Variants in TSG101 observed in about 807,000 individuals in gnomAD.
The protein encoded by TSG101 is tumor susceptibility gene 101 protein.
In TSG101, 19 loss-of-function variants were observed where a neutral mutation model predicts 48.5. The observed-to-expected ratio is 0.39, with a 90% confidence interval of 0.27 to 0.58. The LOEUF (loss-of-function observed/expected upper bound fraction) is 0.58, where lower values mean the gene tolerates loss of function less well. Ranked by LOEUF, TSG101 falls within the 20% of genes least tolerant of loss-of-function variation. The pLI is 0.55. For synonymous variants in TSG101, 174 were observed against 169.4 expected (o/e 1.03, Z -0.21); for missense variants, 365 against 484.4 (o/e 0.75, Z 2.31).
chr11:18,505,352 C>G lies in TSG101; in HGVS notation c.548+1505G>C, dbSNP rs1849952316. 2.0e-5 allele frequency among the ~76,000 whole-genome samples: 3 copies of G among 151,704 alleles called. No homozygotes were observed. In the South Asian group the frequency reaches 6.3e-4, roughly 32 times the overall value. The stretch of plus-strand genomic sequence containing the variant: ...GCTCATTGCATCCTCGATCTGTAGG[C>G]TCAAGTGATCCTTCCACCTCACCCT... On this transcript the variant is annotated intron_variant, in intron 6 of 9. Coordinates refer to ENST00000251968, the MANE Select transcript of TSG101 (RefSeq NM_006292.4).
At chr11:18,486,114 G>A (rs1849616364) in intron 7 of TSG101, among the ~76,000 whole-genome samples, 1 of 152,344 alleles carries the variant, frequency 6.6e-6, no homozygotes, top group Non-Finnish European at 1.5e-5. Flanking sequence ...CTTTGGGTAG[G>A]GGAACCACCC....
chr11:18,499,033 C>T (rs1211943616), intron 7 of TSG101, among the ~76,000 whole-genome samples: 1 of 150,628 alleles, frequency 6.6e-6, no homozygotes, highest in East Asian at 1.9e-4. Context: ...CCAGTTTTAG[C>T]AAAATGGTAT....
At chr11:18,525,544 A>G in intron 1 of TSG101, 1 of 364,080 alleles carries the variant, frequency 2.7e-6, no homozygotes, top group Non-Finnish European at 3.8e-6. Context: ...AGACTCTAAA[A>G]AAAAAAAAAA....
At chr11:18,516,289 A>G (rs577477504) in intron 2 of TSG101, 125 bp from the exon 3 acceptor site, 11 of 722,316 alleles carry the variant, frequency 1.5e-5, no homozygotes, top group Non-Finnish European at 2.3e-5. Flanking sequence ...TCAATGTATC[A>G]TCCATCCTGT....
At chr11:18,501,189 C>A (rs1439707752) in intron 7 of TSG101, among the ~76,000 whole-genome samples, 1 of 152,144 alleles carries the variant, frequency 6.6e-6, no homozygotes, top group Non-Finnish European at 1.5e-5. Flanking sequence ...AAAATGGTTG[C>A]CTAGGCCAAT....
intron 1 of TSG101, chr11:18,525,543 A>G: frequency 3.4e-6 from 1 of 296,376 alleles, no homozygotes; most frequent in Non-Finnish European, 4.9e-6. Context: ...AAGACTCTAA[A>G]AAAAAAAAAA....
intron 1 of TSG101, among the ~76,000 whole-genome samples, chr11:18,521,191 C>T (rs961682431): frequency 2.0e-5 from 3 of 151,930 alleles, no homozygotes; most frequent in African/African-American, 7.3e-5. Context: ...CTGGTCTCTT[C>T]AAATCCACTC....
Position 18,521,416 on chromosome 11 carries a change from T to C in TSG101, c.43-1813A>G, listed in dbSNP as rs367565092. Among the ~76,000 whole-genome samples the C allele has an allele frequency of 1.0e-4, 14 of 136,466 alleles. No individual in the cohort carries two copies. The East Asian group carries it at 2.0e-3, about 20-fold the overall frequency. 89.5% of individuals were successfully genotyped at this position (136,466 alleles called of 152,430 possible). On this transcript the variant is annotated intron_variant, in intron 1 of 9. Coordinates refer to ENST00000251968, the MANE Select transcript of TSG101 (RefSeq NM_006292.4). ...TAGGGTCTCACTCTGTCGCTCAGGC[T>C]ACAGTGCAGTGGTATGATCATGGCT...
chr11:18,526,892 A>C lies in TSG101; in HGVS notation c.-76T>G. 6.6e-7 allele frequency: 1 copy of C among 1,511,132 alleles called. No individual in the cohort carries two copies. The highest frequency in any genetic ancestry group is 1.4e-5 in the African/African-American group (1 of 72,694). 93.6% of individuals were successfully genotyped at this position (1,511,132 alleles called of 1,614,324 possible). A position where few individuals can be genotyped will look rare whatever the true frequency, so the allele number is the denominator to read the frequency against. ...TGGGCTGCCCCAGACCGTCCCACAC[A>C]ATCGCACACCCCCAACCCGGCCTCA... On this transcript the variant is annotated 5_prime_UTR_variant, in exon 1 of 10. It adds an upstream start codon to the 5' untranslated region. Transcript: ENST00000251968.
chr11:18,481,713 C>T lies in TSG101; in HGVS notation c.1000G>A (p.Glu334Lys). 1 of 1,614,190 alleles carries T rather than the reference C, an allele frequency of 6.2e-7. No homozygotes were observed. The highest frequency in any genetic ancestry group is 8.5e-7 in the Non-Finnish European group (1 of 1,180,034). The change falls in exon 9 of 10, where the codon GAA (glutamate) becomes AAA (lysine). Residue 334 changes from glutamate (E) to lysine (K), a missense_variant. Glu to Lys is a moderately conservative substitution (Grantham distance 56, BLOSUM62 1). Coordinates refer to ENST00000251968, the MANE Select transcript of TSG101 (RefSeq NM_006292.4). ...LYKQILNLYA[E>K]ENAIEDTIFY... ...ATAGTGTCTTCAATAGCGTTTTCTT[C>T]TGCATACAGATTCAGGATCTGTTTG...
chr11:18,481,048 C>T (rs1471262497), intron 9 of TSG101, among the ~76,000 whole-genome samples: 1 of 152,168 alleles, frequency 6.6e-6, no homozygotes, highest in African/African-American at 2.4e-5. Context: ...GCTCCAGCTA[C>T]AGCTGGATCA....
chr11:18,499,717 A>G (rs912241935), intron 7 of TSG101, among the ~76,000 whole-genome samples: 1 of 151,434 alleles, frequency 6.6e-6, no homozygotes, highest in Non-Finnish European at 1.5e-5. Flanking sequence ...GGCCTAAAAA[A>G]TTTTTTTAGA....
chr11:18,499,307 TTTA>T (rs1849841354), intron 7 of TSG101, among the ~76,000 whole-genome samples: 4 of 89,452 alleles, frequency 4.5e-5, no homozygotes, highest in African/African-American at 1.4e-4. Flanking sequence ...TATTTATATA[TTTA>T]TTTATATATA....
chr11:18,507,264 TAGAA>T (rs1849989905), intron 5 of TSG101, among the ~76,000 whole-genome samples: 1 of 152,218 alleles, frequency 6.6e-6, no homozygotes, highest in Admixed American at 6.5e-5. Flanking sequence ...GTTAACTTCT[TAGAA>T]AGTAACTTCT....
At chr11:18,501,557 C>T (rs1849888532) in intron 7 of TSG101, among the ~76,000 whole-genome samples, 1 of 152,124 alleles carries the variant, frequency 6.6e-6, no homozygotes, top group South Asian at 2.1e-4. Context: ...ATGCTTCCAG[C>T]TTTGTTCTTT....
In TSG101 at chr11:18,509,799, T is replaced by A. The variant is rs550739407; in HGVS notation, c.358-134A>T. ...TAGGACCCCAATCATGAAAATTTCA[T>A]TTAATTAATTTATTTTAATAGAGTT... On this transcript the variant is annotated intron_variant, in intron 4 of 9. Transcript: ENST00000251968. 1.4e-5 allele frequency: 13 copies of A among 946,594 alleles called. No homozygotes were observed. In the East Asian group the frequency reaches 3.3e-4, roughly 24 times the overall value. The allele number at this position is 946,594 out of a possible 1,614,324, so 58.6% of individuals were successfully genotyped here.
At chr11:18,521,930 A>G (rs1415587522) in intron 1 of TSG101, among the ~76,000 whole-genome samples, 1 of 152,092 alleles carries the variant, frequency 6.6e-6, no homozygotes, top group Non-Finnish European at 1.5e-5. Flanking sequence ...TGTCCACCTC[A>G]GCCTCCCACA....
At chr11:18,509,754 C>T in intron 4 of TSG101, 89 bp from the exon 5 acceptor site, 1 of 1,391,784 alleles carries the variant, frequency 7.2e-7, no homozygotes, top group Non-Finnish European at 9.5e-7. Flanking sequence ...GTTTTCAACT[C>T]AGCTTGATAA....
In TSG101 at chr11:18,494,739, G is replaced by A. The variant is rs768123462; in HGVS notation, c.640+7747C>T. Among the ~76,000 whole-genome samples, 3 of 152,174 alleles carry A rather than the reference G, an allele frequency of 2.0e-5. No homozygotes were observed. In the South Asian group the frequency reaches 6.2e-4, roughly 32 times the overall value. ...AAGAGGCACCCAAACCTGCACACAA[G>A]CAAGCGTGCACTAGTAAACCCACAT... On this transcript the variant is annotated intron_variant, in intron 7 of 9. Coordinates refer to ENST00000251968, the MANE Select transcript of TSG101 (RefSeq NM_006292.4).
Sources: gnomAD v4.1 joint callset for allele counts (sites outside exome capture counted in the v4.1 genomes callset) on GRCh38, gnomAD v4.1.1 for gene constraint, MANE v1.5 for transcripts, NCBI Gene and HGNC (gene_info 2026-07-23, HGNC 2026-07-21) for gene names.